TNFSF4: variants seen among roughly 807,000 people sequenced by gnomAD.
TNFSF4 encodes the protein TNF superfamily member 4, also known as tumor necrosis factor ligand superfamily member 4.
A neutral mutation model predicts 7.3 loss-of-function variants in TNFSF4; 4 were observed. That is an observed-to-expected ratio of 0.55 (90% CI 0.27 to 1.25). TNFSF4 has a LOEUF of 1.25. Ranked by LOEUF, TNFSF4 falls within the 50% of genes most tolerant of loss-of-function variation. TNFSF4 has a pLI of 0.12. For synonymous variants in TNFSF4, 76 were observed against 83.7 expected, an observed-to-expected ratio of 0.91 and a Z score of 0.50; for missense variants, 181 against 208.8, an observed-to-expected ratio of 0.87 and a Z score of 0.82.
chr1:173,390,415 G>C, the TNFSF4 span, among the ~76,000 whole-genome samples: 6 of 152,034 alleles, frequency 3.9e-5, no homozygotes, highest in Non-Finnish European at 5.9e-5. Context: ...CTCAAGTTTT[G>C]GCCCTGGGAT....
the TNFSF4 span, among the ~76,000 whole-genome samples, chr1:173,342,915 C>A: frequency 6.6e-6 from 1 of 152,166 alleles, no homozygotes; most frequent in African/African-American, 2.4e-5. Flanking sequence ...TTAGTCATTA[C>A]CACCATCAAC....
At chr1:173,375,744 A>G in the TNFSF4 span, among the ~76,000 whole-genome samples, 6 of 152,120 alleles carry the variant, frequency 3.9e-5, no homozygotes, top group African/African-American at 1.4e-4. Flanking sequence ...ATGCGAGGGG[A>G]CAAATAAGGG....
At chr1:173,285,114 T>C in the TNFSF4 span, among the ~76,000 whole-genome samples, 13,564 of 152,174 alleles carry the variant, frequency 0.089, 701 homozygotes, top group Middle Eastern at 0.12. Flanking sequence ...GGTTAAAATA[T>C]CAACATTAAC....
the TNFSF4 span, among the ~76,000 whole-genome samples, chr1:173,280,006 T>C: frequency 6.6e-6 from 1 of 152,144 alleles, no homozygotes; most frequent in South Asian, 2.1e-4. Context: ...TTCAAACTTC[T>C]TGGTCTTCTC....
At chr1:173,275,760 C>T in the TNFSF4 span, among the ~76,000 whole-genome samples, 2 of 152,142 alleles carry the variant, frequency 1.3e-5, no homozygotes, top group Non-Finnish European at 2.9e-5. Flanking sequence ...GGACACACAT[C>T]AGTCAGCAGC....
the TNFSF4 span, among the ~76,000 whole-genome samples, chr1:173,440,153 A>G: frequency 6.6e-6 from 1 of 152,136 alleles, no homozygotes; most frequent in African/African-American, 2.4e-5. Context: ...TCTGGGAAAG[A>G]CCTTCTTCCG....
At chr1:173,199,603 G>A (rs774432426) in intron 1 of TNFSF4, among the ~76,000 whole-genome samples, 1 of 152,150 alleles carries the variant, frequency 6.6e-6, no homozygotes, top group African/African-American at 2.4e-5. Context: ...TCAGAGGAGC[G>A]TGGCCTTCCG....
chr1:173,285,683 T>A, the TNFSF4 span, among the ~76,000 whole-genome samples: 5 of 152,188 alleles, frequency 3.3e-5, no homozygotes, highest in Non-Finnish European at 5.9e-5. Context: ...GCAAAAAGAT[T>A]ACAATTTGAT....
chr1:173,188,170 A>G lies in TNFSF4; in HGVS notation c.202+351T>C, dbSNP rs549675850. 4.6e-5 allele frequency among the ~76,000 whole-genome samples: 7 copies of G among 152,344 alleles called. No individual in the cohort carries two copies. In the South Asian group the frequency reaches 1.5e-3, roughly 32 times the overall value. On this transcript the variant is annotated intron_variant, in intron 2 of 2. Transcript: ENST00000281834. The stretch of plus-strand genomic sequence containing the variant: ...TGCCCCAGAATACAATTAGCAGGCA[A>G]TAATGTGTCTTATAGTCAGACAGAC...
At chr1:173,352,176 C>G in the TNFSF4 span, among the ~76,000 whole-genome samples, 12,799 of 152,230 alleles carry the variant, frequency 0.084, 675 homozygotes, top group East Asian at 0.27. Flanking sequence ...TCACTCACAT[C>G]CACGGGGATG....
chr1:173,330,371 T>C, the TNFSF4 span, among the ~76,000 whole-genome samples: 41 of 151,276 alleles, frequency 2.7e-4, no homozygotes, highest in African/African-American at 9.7e-4. Flanking sequence ...TTATTAATAT[T>C]AATACTAAGT....
At chr1:173,381,599 C>T in the TNFSF4 span, among the ~76,000 whole-genome samples, 1 of 152,202 alleles carries the variant, frequency 6.6e-6, no homozygotes, top group Admixed American at 6.5e-5. Context: ...GACCCCTGAA[C>T]CAACCCATTG....
the TNFSF4 span, among the ~76,000 whole-genome samples, chr1:173,298,515 C>A: frequency 0.09 from 13,667 of 151,876 alleles, 718 homozygotes; most frequent in Middle Eastern, 0.12. Flanking sequence ...CACCTTTCTT[C>A]CTCACCCCTT....
At chr1:173,273,780 T>C in the TNFSF4 span, among the ~76,000 whole-genome samples, 605 of 152,188 alleles carry the variant, frequency 4.0e-3, 5 homozygotes, top group African/African-American at 0.014. Context: ...CAAAGTAATA[T>C]TAGCATTTTG....
chr1:173,187,994 G>A (rs190104739), intron 2 of TNFSF4, among the ~76,000 whole-genome samples: 23 of 152,226 alleles, frequency 1.5e-4, no homozygotes, highest in African/African-American at 5.5e-4. Context: ...CTTCCCTCAG[G>A]CTCAGGAGAA....
chr1:173,408,169 A>C, the TNFSF4 span, among the ~76,000 whole-genome samples: 2 of 152,234 alleles, frequency 1.3e-5, no homozygotes, highest in African/African-American at 4.8e-5. Context: ...ACAACTTCTA[A>C]ATACCATTTT....
chr1:173,409,917 A>C, the TNFSF4 span, among the ~76,000 whole-genome samples: 1 of 152,194 alleles, frequency 6.6e-6, no homozygotes, highest in Non-Finnish European at 1.5e-5. Context: ...TGCTGCATTC[A>C]AGGTTTGTAC....
chr1:173,302,034 A>G, the TNFSF4 span, among the ~76,000 whole-genome samples: 3 of 151,910 alleles, frequency 2.0e-5, no homozygotes, highest in Non-Finnish European at 4.4e-5. Flanking sequence ...CATTTAATTT[A>G]CAGAAGAGAA....
At chr1:173,230,700 A>G in the TNFSF4 span, among the ~76,000 whole-genome samples, 1 of 152,192 alleles carries the variant, frequency 6.6e-6, no homozygotes, top group Admixed American at 6.5e-5. Context: ...ATAAAGAAGA[A>G]AAGAGAGAAG....
Sources: allele counts gnomAD v4.1 joint callset (sites outside exome capture counted in the v4.1 genomes callset), GRCh38; gene constraint gnomAD v4.1.1; transcripts MANE v1.5; gene names NCBI Gene and HGNC (gene_info 2026-07-23, HGNC 2026-07-21).